The following GAP43 variants were observed in gnomAD, a reference collection of about 807,000 sequenced individuals.
GAP43 encodes growth associated protein 43.
In GAP43, 6 loss-of-function variants were observed where a neutral mutation model predicts 18.6. That is an observed-to-expected ratio of 0.32 (90% CI 0.18 to 0.64). The LOEUF is 0.64. GAP43 is among the 30% of genes least tolerant of loss of function. The probability of loss-of-function intolerance (pLI) is 0.78; values close to 1 mark genes in which losing one functional copy is unlikely to be tolerated. For missense variants in GAP43, 292 were observed against 295.5 expected, an observed-to-expected ratio of 0.99 and a Z score of 0.09; for synonymous variants, 115 against 111.4, an observed-to-expected ratio of 1.03 and a Z score of -0.20.
At chr3:115,686,002 A>G (rs915419025) in intron 2 of GAP43, among the ~76,000 whole-genome samples, 55 of 152,250 alleles carry the variant, frequency 3.6e-4, no homozygotes, top group African/African-American at 1.3e-3. Context: ...AAATAAAACA[A>G]AACTCTAACA....
At chr3:115,696,239 C>T (rs941101069) in intron 2 of GAP43, among the ~76,000 whole-genome samples, 24 of 151,912 alleles carry the variant, frequency 1.6e-4, no homozygotes, top group African/African-American at 5.8e-4. Context: ...TCTGAACTTA[C>T]TCCTTCTCCC....
intron 1 of GAP43, among the ~76,000 whole-genome samples, chr3:115,641,840 T>C (rs1708400822): frequency 6.6e-6 from 1 of 152,082 alleles, no homozygotes. Flanking sequence ...GAAATATTTC[T>C]CAGAATCCAA....
intron 2 of GAP43, among the ~76,000 whole-genome samples, chr3:115,698,676 CAGT>C (rs1315759953): frequency 7.2e-5 from 11 of 151,810 alleles, no homozygotes; most frequent in Non-Finnish European, 1.6e-4. Flanking sequence ...GTGGGGGTGT[CAGT>C]GCTACCTGAA....
At chr3:115,632,941 T>C (rs190344611) in intron 1 of GAP43, among the ~76,000 whole-genome samples, 1 of 152,258 alleles carries the variant, frequency 6.6e-6, no homozygotes, top group African/African-American at 2.4e-5. Context: ...AACACACTAC[T>C]TCTATTATAT....
intron 2 of GAP43, among the ~76,000 whole-genome samples, chr3:115,698,901 G>A (rs1709258945): frequency 6.6e-6 from 1 of 152,122 alleles, no homozygotes; most frequent in Non-Finnish European, 1.5e-5. Flanking sequence ...ATCCTCCATT[G>A]TTGGAACAGC....
chr3:115,714,625 A>T (rs949909037), intron 2 of GAP43, among the ~76,000 whole-genome samples: 4 of 152,002 alleles, frequency 2.6e-5, no homozygotes, highest in African/African-American at 7.2e-5. Flanking sequence ...TCTTGAAAAA[A>T]CTTTTTTCCC....
At chr3:115,664,842 A>G (rs1005551547) in intron 1 of GAP43, among the ~76,000 whole-genome samples, 1 of 152,212 alleles carries the variant, frequency 6.6e-6, no homozygotes, top group East Asian at 1.9e-4. Flanking sequence ...AAGTCTATGC[A>G]TGCTCAAACC....
intron 2 of GAP43, among the ~76,000 whole-genome samples, chr3:115,699,221 T>A (rs1257876541): frequency 6.6e-6 from 1 of 152,230 alleles, no homozygotes; most frequent in East Asian, 1.9e-4. Flanking sequence ...AAGACAGATT[T>A]GTACCTTGTC....
intron 2 of GAP43, among the ~76,000 whole-genome samples, chr3:115,690,421 A>AT (rs1040162921): frequency 1.2e-4 from 19 of 152,142 alleles, no homozygotes; most frequent in African/African-American, 2.2e-4. Flanking sequence ...TTTCAGAAAC[A>AT]TTTTTTTACT....
Position 115,676,384 on chromosome 3 carries a change from G to T in GAP43, c.402G>T (p.Lys134Asn). Residue 134 changes from lysine (K) to asparagine (N), a missense_variant, in exon 2 of 3, where the codon AAG becomes AAT. Coordinates refer to ENST00000305124, the MANE Select transcript of GAP43 (RefSeq NM_002045.4). Reference sequence around the variant, plus strand: ...AGGCTCCTGCATCCTCAGAGGAGAAGGCCGGCTCAGCTGAGACAGAAAGTG... The same window carrying T: ...AGGCTCCTGCATCCTCAGAGGAGAATGCCGGCTCAGCTGAGACAGAAAGTG... The part of the protein sequence containing the change: ...APQAPASSEE[K>N]AGSAETESAT... The T allele has an allele frequency of 6.2e-7, 1 of 1,614,046 alleles. No homozygotes were observed. The highest frequency in any genetic ancestry group is 8.5e-7 in the Non-Finnish European group (1 of 1,179,938).
intron 1 of GAP43, among the ~76,000 whole-genome samples, chr3:115,632,798 T>C (rs1400913189): frequency 2.0e-5 from 3 of 152,156 alleles, no homozygotes; most frequent in African/African-American, 7.2e-5. Context: ...AACTAGAAAT[T>C]TGAAAATAAA....
In GAP43 at chr3:115,698,012, TA is replaced by T. The variant is rs1709221504; in HGVS notation, c.628+21406del. ...GTGTGTGTGTGTGTGTGTGTGTGTATAAAATATATAACATGTATATAAAATA... is the reference window on the plus strand; with the variant it reads ...GTGTGTGTGTGTGTGTGTGTGTGTATAAATATATAACATGTATATAAAATA... On this transcript the variant is annotated intron_variant, in intron 2 of 2. Coordinates refer to ENST00000305124, the MANE Select transcript of GAP43 (RefSeq NM_002045.4). 2.7e-5 allele frequency among the ~76,000 whole-genome samples: 3 copies of T among 112,604 alleles called. No homozygotes were observed. The South Asian group carries it at 7.2e-4, about 27-fold the overall frequency. The allele number at this position is 112,604 out of a possible 152,430, so 73.9% of individuals were successfully genotyped here.
chr3:115,676,530 C>T lies in GAP43; in HGVS notation c.548C>T (p.Ala183Val), dbSNP rs577083604. 88 of 1,613,712 alleles carry T rather than the reference C, an allele frequency of 5.5e-5. 1 individual carries two copies. The highest frequency in any genetic ancestry group is 4.2e-5 in the Non-Finnish European group (49 of 1,179,990). ...ACTGCTGCTGCTGCCACCACCCCTG[C>T]CGCAGAGGATGCTGCTGCCAAGGCA... Reference protein sequence around the residue: ...AVTAAAATTPAAEDAAAKATA... With the variant: ...AVTAAAATTPVAEDAAAKATA... Residue 183 changes from alanine (A) to valine (V), a missense_variant, in exon 2 of 3, where the codon GCC becomes GTC. Coordinates refer to ENST00000305124, the MANE Select transcript of GAP43 (RefSeq NM_002045.4).
chr3:115,676,405 A>G lies in GAP43; in HGVS notation c.423A>G (p.Glu141=). ...SEEKAGSAET[E]SATKASTDNS... is the part of the protein sequence containing the mutation. Reference sequence around the variant, plus strand: ...AGAAGGCCGGCTCAGCTGAGACAGAAAGTGCCACTAAAGCTTCCACTGATA... The same window carrying G: ...AGAAGGCCGGCTCAGCTGAGACAGAGAGTGCCACTAAAGCTTCCACTGATA... Residue 141 remains glutamate (E), a synonymous_variant, in exon 2 of 3, where the codon GAA becomes GAG. Coordinates refer to ENST00000305124, the MANE Select transcript of GAP43 (RefSeq NM_002045.4). The G allele has an allele frequency of 6.2e-7, 1 of 1,613,902 alleles. No individual in the cohort carries two copies. Among genetic ancestry groups the G allele is most frequent in the Non-Finnish European group, 8.5e-7 (1 of 1,179,850 alleles).
At chr3:115,646,644 T>C (rs1231308500) in intron 1 of GAP43, among the ~76,000 whole-genome samples, 4 of 151,994 alleles carry the variant, frequency 2.6e-5, no homozygotes, top group Non-Finnish European at 5.9e-5. Context: ...GGGAAAGCCC[T>C]TCGGATATCT....
chr3:115,656,955 A>C (rs1708592325), intron 1 of GAP43, among the ~76,000 whole-genome samples: 1 of 152,168 alleles, frequency 6.6e-6, no homozygotes. Context: ...AATATAAAAA[A>C]CTATATACAC....
chr3:115,679,791 A>G (rs868257173), intron 2 of GAP43, among the ~76,000 whole-genome samples: 2 of 152,306 alleles, frequency 1.3e-5, no homozygotes, highest in Middle Eastern at 6.8e-3. Context: ...CCAGAGGGCT[A>G]TCAATCAGTG....
At chr3:115,698,052 ATATAAAATATATATT>A (rs1392899566) in intron 2 of GAP43, among the ~76,000 whole-genome samples, 712 of 58,104 alleles carry the variant, frequency 0.012, 32 homozygotes, top group African/African-American at 0.069. Context: ...ATTATATATT[ATATAAAATATATATT>A]ATATATAATA....
chr3:115,702,233 A>C (rs760087499), intron 2 of GAP43, among the ~76,000 whole-genome samples: 1 of 152,106 alleles, frequency 6.6e-6, no homozygotes, highest in Non-Finnish European at 1.5e-5. Context: ...TTTCATGATA[A>C]AGAAAGTAAT....
Sources: gnomAD v4.1 joint callset for allele counts (sites outside exome capture counted in the v4.1 genomes callset) on GRCh38, gnomAD v4.1.1 for gene constraint, MANE v1.5 for transcripts, NCBI Gene and HGNC (gene_info 2026-07-23, HGNC 2026-07-21) for gene names.